The following CAMTA1 variants were observed in gnomAD, a reference collection of about 807,000 sequenced individuals.
CAMTA1 encodes calmodulin-binding transcription activator 1.
In CAMTA1, 27 loss-of-function variants were observed where a neutral mutation model predicts 170.9. That is an observed-to-expected ratio of 0.16 (90% CI 0.12 to 0.22). The LOEUF (loss-of-function observed/expected upper bound fraction) is 0.22, where lower values mean the gene tolerates loss of function less well. Ranked by LOEUF, CAMTA1 falls within the 10% of genes least tolerant of loss-of-function variation. The pLI is 1.00. For missense variants in CAMTA1, 1,619 were observed against 2,217.2 expected, an observed-to-expected ratio of 0.73 and a Z score of 5.42; for synonymous variants, 833 against 891.5, an observed-to-expected ratio of 0.93 and a Z score of 1.17.
At chr1:7,281,763 A>T (rs1347942503) in intron 5 of CAMTA1, among the ~76,000 whole-genome samples, 2 of 147,554 alleles carry the variant, frequency 1.4e-5, no homozygotes, top group African/African-American at 5.0e-5. Context: ...ATCCATGTGG[A>T]TTTTTTTTGT....
chr1:7,231,631 C>T (rs1230714242), intron 4 of CAMTA1, among the ~76,000 whole-genome samples: 1 of 152,104 alleles, frequency 6.6e-6, no homozygotes, highest in Non-Finnish European at 1.5e-5. Context: ...TCTCAGCCTC[C>T]CAAAATGCTG....
intron 4 of CAMTA1, among the ~76,000 whole-genome samples, chr1:7,188,989 A>T (rs904106179): frequency 2.6e-5 from 4 of 152,188 alleles, no homozygotes; most frequent in Non-Finnish European, 5.9e-5. Context: ...GTTTTTTAAT[A>T]ATAGCCATGC....
intron 3 of CAMTA1, among the ~76,000 whole-genome samples, chr1:6,987,752 C>T (rs186030598): frequency 6.5e-4 from 99 of 152,306 alleles, no homozygotes; most frequent in Non-Finnish European, 1.1e-3. Context: ...GGACTAAATC[C>T]TGTAGGTCGT....
At chr1:7,577,054 A>C (rs1371764013) in intron 6 of CAMTA1, among the ~76,000 whole-genome samples, 1 of 152,226 alleles carries the variant, frequency 6.6e-6, no homozygotes, top group East Asian at 1.9e-4. Flanking sequence ...GCCGAGAGTC[A>C]AACCCAAGGG....
At chr1:6,902,079 A>AT (rs1553180495) in intron 3 of CAMTA1, among the ~76,000 whole-genome samples, 22 of 75,274 alleles carry the variant, frequency 2.9e-4, no homozygotes, top group Non-Finnish European at 4.6e-4. Context: ...ACACAAAAAA[A>AT]AAAATAAAAA....
chr1:7,509,981 G>A (rs981700634), intron 6 of CAMTA1, among the ~76,000 whole-genome samples: 3 of 150,528 alleles, frequency 2.0e-5, no homozygotes, highest in Admixed American at 6.6e-5. Context: ...TGTCACTCCC[G>A]AGTCATCCTG....
At chr1:7,546,475 T>G (rs575795086) in intron 6 of CAMTA1, among the ~76,000 whole-genome samples, 36 of 152,372 alleles carry the variant, frequency 2.4e-4, no homozygotes, top group African/African-American at 7.7e-4. Flanking sequence ...CACATGCATG[T>G]ATCTTTATAA....
chr1:6,886,181 G>A (rs941827969), intron 3 of CAMTA1: 2 of 455,208 alleles, frequency 4.4e-6, no homozygotes, highest in African/African-American at 2.0e-5. Context: ...AGCCCAAAAT[G>A]TAAACTTAAT....
At chr1:7,630,008 G>A (rs1467904332) in intron 6 of CAMTA1, among the ~76,000 whole-genome samples, 2 of 152,080 alleles carry the variant, frequency 1.3e-5, no homozygotes, top group Admixed American at 6.5e-5. Context: ...GCTCTTTTTC[G>A]TTACTCATTA....
chr1:7,273,534 G>A (rs537905464), intron 5 of CAMTA1, among the ~76,000 whole-genome samples: 5 of 152,352 alleles, frequency 3.3e-5, no homozygotes, highest in African/African-American at 4.8e-5. Flanking sequence ...AACCTATAGA[G>A]ACAGAAAGCA....
chr1:7,392,336 A>G (rs1326104274), intron 5 of CAMTA1, among the ~76,000 whole-genome samples: 1 of 149,690 alleles, frequency 6.7e-6, no homozygotes, highest in Non-Finnish European at 1.5e-5. Flanking sequence ...GCTCACCGCA[A>G]CCTCCACCTC....
chr1:7,736,072 G>A lies in CAMTA1; in HGVS notation c.3067-272G>A, dbSNP rs2096770224. 6.6e-6 allele frequency among the ~76,000 whole-genome samples: 1 copy of A among 152,016 alleles called. No individual in the cohort carries two copies. The highest frequency in any genetic ancestry group is 1.5e-5 in the Non-Finnish European group (1 of 68,000). On this transcript the variant is annotated intron_variant, in intron 12 of 22. Transcript: ENST00000303635. The surrounding 1 kb of genome is among the most constrained non-coding windows in gnomAD (Gnocchi z 4.5). ...TTTCAGGCATGAGCCACTGTGCGCA[G>A]CCTAAATTTTGTACTTTTTGTAGAG...
intron 3 of CAMTA1, among the ~76,000 whole-genome samples, chr1:7,005,887 A>G (rs1428452181): frequency 6.6e-6 from 1 of 152,236 alleles, no homozygotes; most frequent in African/African-American, 2.4e-5. Context: ...AAGTGGCTCA[A>G]CAGGGTCTGG....
chr1:7,584,164 C>G (rs998332007), intron 6 of CAMTA1, among the ~76,000 whole-genome samples: 4 of 152,094 alleles, frequency 2.6e-5, no homozygotes, highest in Non-Finnish European at 5.9e-5. Flanking sequence ...GATGATAAGG[C>G]AGACGTTATT....
rs189052020 is a variant in CAMTA1, at chr1:6,886,839, G to A, written c.234+61629G>A. On this transcript the variant is annotated intron_variant, in intron 3 of 22. Coordinates refer to ENST00000303635, the MANE Select transcript of CAMTA1 (RefSeq NM_015215.4). The stretch of plus-strand genomic sequence containing the variant: ...AGAACAGATCTGGGGCTTGCCTTCA[G>A]CTTCACTGTGCATTTTTGGTCATTT... Among the ~76,000 whole-genome samples the A allele has an allele frequency of 2.0e-3, 298 of 152,298 alleles. 1 individual carries two copies. Among genetic ancestry groups the A allele is most frequent in the African/African-American group, 6.9e-3 (287 of 41,564 alleles).
At chr1:7,498,874 G>A (rs1001954048) in intron 6 of CAMTA1, among the ~76,000 whole-genome samples, 1 of 150,750 alleles carries the variant, frequency 6.6e-6, no homozygotes, top group Non-Finnish European at 1.5e-5. Flanking sequence ...GTGCATGAGT[G>A]AGTGTGTAGA....
At position 7,672,077 on chromosome 1, in the gene CAMTA1, G is replaced by C. The variant is rs1049709278; in HGVS notation, c.2779+1040G>C. ...ACCAGCCCTCAGGATGGCCTGTCCA[G>C]TGAGCCCTGACCATAAACAGGAGGG... On this transcript the variant is annotated intron_variant, in intron 10 of 22. Coordinates refer to ENST00000303635, the MANE Select transcript of CAMTA1 (RefSeq NM_015215.4). 1.1e-5 allele frequency: 5 copies of C among 456,014 alleles called. No individual in the cohort carries two copies. In the East Asian group the frequency reaches 2.8e-4, roughly 25 times the overall value. The allele number at this position is 456,014 out of a possible 1,614,324, so 28.2% of individuals were successfully genotyped here.
At chr1:7,453,841 C>T (rs370059748) in intron 5 of CAMTA1, among the ~76,000 whole-genome samples, 47 of 152,352 alleles carry the variant, frequency 3.1e-4, no homozygotes, top group African/African-American at 9.6e-4. Flanking sequence ...CTTGGAGCTG[C>T]TGTGGAGTCT....
intron 3 of CAMTA1, among the ~76,000 whole-genome samples, chr1:6,958,926 G>C (rs559548301): frequency 4.0e-4 from 61 of 152,240 alleles, no homozygotes; most frequent in African/African-American, 1.5e-3. Flanking sequence ...CACGTAATGA[G>C]AAGCCACCTG....
Sources: allele counts gnomAD v4.1 joint callset (sites outside exome capture counted in the v4.1 genomes callset), GRCh38; gene constraint gnomAD v4.1.1; non-coding constraint Gnocchi (gnomAD v3.1); transcripts MANE v1.5; gene names NCBI Gene and HGNC (gene_info 2026-07-23, HGNC 2026-07-21).